WLS: variants seen among roughly 807,000 people sequenced by gnomAD.
The protein encoded by WLS is protein wntless homolog.
WLS carries 23 observed loss-of-function variants against 62.8 expected under a neutral mutation model. The ratio of observed to expected loss-of-function variants is 0.37; its 90% confidence interval spans 0.26 to 0.52. The LOEUF is 0.52. Among genes scored for constraint, WLS ranks in the 20% least tolerant of loss-of-function variants. The probability of loss-of-function intolerance (pLI) is 0.92; values close to 1 mark genes in which losing one functional copy is unlikely to be tolerated. For synonymous variants in WLS, 246 were observed against 244.1 expected (o/e 1.01, Z -0.07); for missense variants, 615 against 697.3 (o/e 0.88, Z 1.33).
At chr1:68,107,957 C>T (rs899235506) in intron 11 of WLS, among the ~76,000 whole-genome samples, 1 of 152,252 alleles carries the variant, frequency 6.6e-6, no homozygotes, top group South Asian at 2.1e-4. Flanking sequence ...GACCCAGCTC[C>T]CCGGGAGATG....
intron 2 of WLS, among the ~76,000 whole-genome samples, chr1:68,192,820 C>A (rs1648399471): frequency 6.9e-6 from 1 of 145,622 alleles, no homozygotes; most frequent in Non-Finnish European, 1.5e-5. Flanking sequence ...TCAGGCCAGG[C>A]ACAGTGGCTC....
At chr1:68,225,379 C>G (rs1436731587) in intron 1 of WLS, among the ~76,000 whole-genome samples, 1 of 152,132 alleles carries the variant, frequency 6.6e-6, no homozygotes. Context: ...CTTCCCACAT[C>G]CCCATACGGG....
At chr1:68,175,123 C>A (rs1647216436) in intron 2 of WLS, among the ~76,000 whole-genome samples, 1 of 152,220 alleles carries the variant, frequency 6.6e-6, no homozygotes. Flanking sequence ...TCACCAAGAG[C>A]AATCGGGCAC....
At position 68,195,919 on chromosome 1, in the gene WLS, A is replaced by AC. The variant is rs548492654; in HGVS notation, c.107-1693dup. On this transcript the variant is annotated intron_variant, in intron 1 of 11. Transcript: ENST00000262348. ...ATTTAAATTATAGTTGATTGAACAG[A>AC]CCCTCCCTTTTGTTGATTTATCATA... Among the ~76,000 whole-genome samples the AC allele has an allele frequency of 2.8e-3, 425 of 151,884 alleles. 8 individuals are homozygous for AC. The highest frequency in any genetic ancestry group is 9.4e-3 in the African/African-American group (391 of 41,456).
chr1:68,150,444 G>C, intron 5 of WLS, 88 bp from the exon 6 acceptor site: 1 of 1,536,590 alleles, frequency 6.5e-7, no homozygotes, highest in African/African-American at 1.4e-5. Context: ...TTTGAGACAT[G>C]AGATGTTACT....
At chr1:68,135,821 C>G (rs1165409370) in intron 11 of WLS, among the ~76,000 whole-genome samples, 2 of 152,154 alleles carry the variant, frequency 1.3e-5, no homozygotes, top group Admixed American at 6.6e-5. Flanking sequence ...GTTGTGGAAG[C>G]CCACTGCTTG....
chr1:68,133,898 C>T (rs140300193), intron 11 of WLS, among the ~76,000 whole-genome samples: 395 of 152,304 alleles, frequency 2.6e-3, no homozygotes, highest in African/African-American at 9.2e-3. Flanking sequence ...GTCTGTGCTC[C>T]GTCCAGGATC....
At chr1:68,170,167 T>TTTC in intron 2 of WLS, among the ~76,000 whole-genome samples, 1 of 129,620 alleles carries the variant, frequency 7.7e-6, no homozygotes, top group African/African-American at 2.8e-5. Context: ...TTTCTTTTTT[T>TTTC]TTTTTTTTTT....
At chr1:68,114,062 G>A (rs1646260306) in intron 11 of WLS, among the ~76,000 whole-genome samples, 1 of 152,218 alleles carries the variant, frequency 6.6e-6, no homozygotes, top group Non-Finnish European at 1.5e-5. Context: ...GAAACCAGTA[G>A]TGGACCTTCT....
intron 2 of WLS, among the ~76,000 whole-genome samples, chr1:68,172,418 T>C (rs1647168343): frequency 6.6e-6 from 1 of 151,722 alleles, no homozygotes; most frequent in Admixed American, 6.6e-5. Context: ...AACATAAAAA[T>C]GTATGTTTAT....
At chr1:68,105,528 C>T (rs552300770) in intron 11 of WLS, among the ~76,000 whole-genome samples, 1 of 152,220 alleles carries the variant, frequency 6.6e-6, no homozygotes, top group African/African-American at 2.4e-5. Flanking sequence ...TTGAAAATTC[C>T]AAACTATGAA....
At chr1:68,181,471 C>T (rs1248232923) in intron 2 of WLS, among the ~76,000 whole-genome samples, 1 of 152,200 alleles carries the variant, frequency 6.6e-6, no homozygotes, top group East Asian at 1.9e-4. Flanking sequence ...GGCCAGCCTA[C>T]CACCTAGTCT....
intron 11 of WLS, among the ~76,000 whole-genome samples, chr1:68,111,403 C>T (rs1370244922): frequency 6.6e-6 from 1 of 152,190 alleles, no homozygotes; most frequent in East Asian, 1.9e-4. Context: ...CTTCCCCAGC[C>T]TTGTGGTCTT....
At position 68,125,841 on chromosome 1, in the gene WLS, TTAAAACAGGAAAA is replaced by T; in HGVS notation, c.*372_*384del. 9.8e-7 allele frequency: 1 copy of T among 1,018,968 alleles called. No individual in the cohort carries two copies. The highest frequency in any genetic ancestry group is 1.2e-6 in the Non-Finnish European group (1 of 850,814). 63.1% of individuals were successfully genotyped at this position (1,018,968 alleles called of 1,614,324 possible). A position where few individuals can be genotyped will look rare whatever the true frequency, so the allele number is the denominator to read the frequency against. ...AGGATGTTAAAATCTATCCTAGAAT[TTAAAACAGGAAAA>T]ATGTCAAATATTCCACTCCCCATTC... On this transcript the variant is annotated 3_prime_UTR_variant, in exon 12 of 12. Transcript: ENST00000262348.
intron 11 of WLS, among the ~76,000 whole-genome samples, chr1:68,106,738 G>A (rs1646150401): frequency 1.3e-5 from 2 of 149,892 alleles, no homozygotes; most frequent in East Asian, 2.0e-4. Flanking sequence ...GTGTGTGTGT[G>A]TGTGTGTGTG....
At chr1:68,195,834 T>C (rs911590390) in intron 1 of WLS, among the ~76,000 whole-genome samples, 2 of 152,116 alleles carry the variant, frequency 1.3e-5, no homozygotes, top group African/African-American at 4.8e-5. Context: ...ATTTAAACAG[T>C]TGATCCATCT....
chr1:68,202,888 A>C lies in WLS; in HGVS notation c.107-8661T>G, dbSNP rs565425030. ...GCTGTAGGGGTGGAGGTAACAAAAAAGGGGACACCTGGCTCTCCTTCTTAA... is the reference window on the plus strand; with the variant it reads ...GCTGTAGGGGTGGAGGTAACAAAAACGGGGACACCTGGCTCTCCTTCTTAA... On this transcript the variant is annotated intron_variant, in intron 1 of 11. Coordinates refer to ENST00000262348, the MANE Select transcript of WLS (RefSeq NM_024911.7). The C allele has an allele frequency of 7.2e-5, 11 of 152,176 alleles. No individual in the cohort carries two copies. In the East Asian group the frequency reaches 2.2e-3, roughly 30 times the overall value. 9.4% of individuals were successfully genotyped at this position (152,176 alleles called of 1,614,324 possible).
chr1:68,218,316 A>G (rs530075981), intron 1 of WLS, among the ~76,000 whole-genome samples: 4 of 152,182 alleles, frequency 2.6e-5, no homozygotes, highest in African/African-American at 9.6e-5. Context: ...AGATATTGAG[A>G]GGGGACAAAA....
chr1:68,231,781 T>G (rs1344686579), intron 1 of WLS: 1 of 470,828 alleles, frequency 2.1e-6, no homozygotes, highest in Non-Finnish European at 4.1e-6. Flanking sequence ...TTGTTCCTAA[T>G]AAAGTCGATT....
Sources: gnomAD v4.1 joint callset for allele counts (sites outside exome capture counted in the v4.1 genomes callset) on GRCh38, gnomAD v4.1.1 for gene constraint, MANE v1.5 for transcripts, NCBI Gene and HGNC (gene_info 2026-07-23, HGNC 2026-07-21) for gene names.